CDS1: variants seen among roughly 807,000 people sequenced by gnomAD.
CDS1 encodes the protein CDP-diacylglycerol synthase 1.
In CDS1, 41 loss-of-function variants were observed where a neutral mutation model predicts 62.1. That is an observed-to-expected ratio of 0.66 (90% CI 0.51 to 0.86). The LOEUF (loss-of-function observed/expected upper bound fraction) is 0.86. Among genes scored for constraint, CDS1 ranks in the 40% least tolerant of loss-of-function variants. The pLI is 0.00. For synonymous variants in CDS1, 185 were observed against 192.6 expected, an observed-to-expected ratio of 0.96 and a Z score of 0.32; for missense variants, 470 against 550.1, an observed-to-expected ratio of 0.85 and a Z score of 1.46.
At chr4:84,617,176 G>A (rs182169297) in intron 3 of CDS1, among the ~76,000 whole-genome samples, 2 of 152,252 alleles carry the variant, frequency 1.3e-5, no homozygotes, top group Non-Finnish European at 2.9e-5. Flanking sequence ...TTTTCTTAGG[G>A]TATCTCAAGA....
At chr4:84,600,339 A>G (rs2110043214) in intron 1 of CDS1, among the ~76,000 whole-genome samples, 1 of 152,296 alleles carries the variant, frequency 6.6e-6, no homozygotes, top group African/African-American at 2.4e-5. Context: ...GTATCTTTTG[A>G]GAAAAGAAAA....
intron 8 of CDS1, among the ~76,000 whole-genome samples, chr4:84,638,721 T>C (rs1043120508): frequency 7.2e-5 from 11 of 152,020 alleles, no homozygotes; most frequent in Admixed American, 7.2e-4. Context: ...GGGCCTACTA[T>C]GTGTTTAAAT....
At chr4:84,589,807 C>CTTT (rs879447181) in intron 1 of CDS1, among the ~76,000 whole-genome samples, 1 of 151,276 alleles carries the variant, frequency 6.6e-6, no homozygotes, top group Admixed American at 6.6e-5. Context: ...TAAGGCAGGT[C>CTTT]TTTTTTGTTT....
At position 84,620,458 on chromosome 4, in the gene CDS1, G is replaced by A. The variant is rs1431892025; in HGVS notation, c.580+925G>A. Among the ~76,000 whole-genome samples, 5 of 151,916 alleles carry A rather than the reference G, an allele frequency of 3.3e-5. No homozygotes were observed. The South Asian group carries it at 8.3e-4, about 25-fold the overall frequency. On this transcript the variant is annotated intron_variant, in intron 5 of 12. Coordinates refer to ENST00000295887, the MANE Select transcript of CDS1 (RefSeq NM_001263.4). ...AGGATGGTCTCAATCTCCTGACCTC[G>A]TGATTCGCCTGCCTCAGCCTCCCAA...
intron 2 of CDS1, among the ~76,000 whole-genome samples, chr4:84,607,158 A>G (rs995638876): frequency 6.6e-6 from 1 of 152,188 alleles, no homozygotes; most frequent in Non-Finnish European, 1.5e-5. Flanking sequence ...AAAAAAATGT[A>G]TGTTGTTGGT....
At chr4:84,617,802 A>G (rs764651253) in intron 4 of CDS1, 141 bp downstream of exon 4, 10 of 455,938 alleles carry the variant, frequency 2.2e-5, no homozygotes, top group Non-Finnish European at 3.8e-5. Context: ...ATGTAATTGA[A>G]TTTTGAAAAG....
chr4:84,605,303 G>C (rs7659340), intron 2 of CDS1, among the ~76,000 whole-genome samples: 98,668 of 151,878 alleles, frequency 0.65, 32,520 homozygotes, highest in African/African-American at 0.77. Flanking sequence ...GATTTCTTTT[G>C]TATTTGATGC....
At chr4:84,625,727 A>G (rs1007684028) in intron 5 of CDS1, among the ~76,000 whole-genome samples, 7 of 151,962 alleles carry the variant, frequency 4.6e-5, no homozygotes, top group African/African-American at 1.7e-4. Context: ...TTAAGCTAAG[A>G]AATGATATAA....
intron 5 of CDS1, among the ~76,000 whole-genome samples, chr4:84,624,930 G>A (rs1184802885): frequency 1.3e-5 from 2 of 151,804 alleles, no homozygotes; most frequent in African/African-American, 2.4e-5. Flanking sequence ...GCGCGATCTC[G>A]GCTCATGGCA....
intron 8 of CDS1, among the ~76,000 whole-genome samples, chr4:84,636,697 G>T (rs562930987): frequency 4.9e-4 from 74 of 152,148 alleles, no homozygotes; most frequent in African/African-American, 1.7e-3. Flanking sequence ...GTTAATTTTA[G>T]TATTTTTAGT....
Position 84,650,802 on chromosome 4 carries a change from G to A in CDS1, c.*2116G>A, listed in dbSNP as rs908284742. ...AATTATTAATTTTAATGGAGCTCTCGATTGACCTTTTTAGCATACTTTTAT... is the reference window on the plus strand; with the variant it reads ...AATTATTAATTTTAATGGAGCTCTCAATTGACCTTTTTAGCATACTTTTAT... On this transcript the variant is annotated 3_prime_UTR_variant, in exon 13 of 13. Transcript: ENST00000295887. The A allele has an allele frequency of 6.6e-6, 1 of 152,072 alleles. No homozygotes were observed. Among genetic ancestry groups the A allele is most frequent in the Non-Finnish European group, 1.5e-5 (1 of 68,014 alleles). 9.4% of individuals were successfully genotyped at this position (152,072 alleles called of 1,614,324 possible). A position where few individuals can be genotyped will look rare whatever the true frequency, so the allele number is the denominator to read the frequency against.
intron 1 of CDS1, among the ~76,000 whole-genome samples, chr4:84,590,639 T>G (rs575426159): frequency 6.6e-6 from 1 of 152,294 alleles, no homozygotes; most frequent in East Asian, 1.9e-4. Context: ...TGAGCCAAAT[T>G]TAAAGACTTT....
intron 1 of CDS1, among the ~76,000 whole-genome samples, chr4:84,589,949 T>A (rs902021724): frequency 1.7e-4 from 26 of 152,228 alleles, no homozygotes; most frequent in Admixed American, 1.7e-3. Context: ...TAGCTGGGAC[T>A]ACAGGCACCC....
intron 1 of CDS1, among the ~76,000 whole-genome samples, chr4:84,601,246 G>A (rs1021796505): frequency 1.8e-4 from 28 of 151,812 alleles, no homozygotes; most frequent in African/African-American, 6.3e-4. Flanking sequence ...CCGACTGAAT[G>A]TTTTGGTTAA....
At chr4:84,609,143 C>A (rs1723229850) in intron 2 of CDS1, among the ~76,000 whole-genome samples, 1 of 143,292 alleles carries the variant, frequency 7.0e-6, no homozygotes, top group African/African-American at 2.7e-5. Flanking sequence ...CACGCCACTG[C>A]ACTCCAGCCT....
intron 1 of CDS1, among the ~76,000 whole-genome samples, chr4:84,602,079 T>C (rs1644858532): frequency 6.6e-6 from 1 of 152,160 alleles, no homozygotes; most frequent in African/African-American, 2.4e-5. Flanking sequence ...ATTTTCCTTT[T>C]CAAGTCTAGC....
In CDS1 at chr4:84,650,723, T is replaced by G. The variant is rs1724707300; in HGVS notation, c.*2037T>G. ...ATATTTGGGATCACAGTAATAGCTT[T>G]TCTCAAATATACTTTTAGAATTGAA... On this transcript the variant is annotated 3_prime_UTR_variant, in exon 13 of 13. Transcript: ENST00000295887. 6.6e-6 allele frequency: 1 copy of G among 152,228 alleles called. No homozygotes were observed. The highest frequency in any genetic ancestry group is 2.1e-4 in the South Asian group (1 of 4,832). 9.4% of individuals were successfully genotyped at this position (152,228 alleles called of 1,614,324 possible). A position where few individuals can be genotyped will look rare whatever the true frequency, so the allele number is the denominator to read the frequency against.
intron 3 of CDS1, among the ~76,000 whole-genome samples, chr4:84,611,330 C>T (rs1293468013): frequency 6.6e-6 from 1 of 152,156 alleles, no homozygotes; most frequent in Non-Finnish European, 1.5e-5. Context: ...ATTGTTATTA[C>T]TTTTTCTCAT....
chr4:84,615,233 C>G (rs527476898), intron 3 of CDS1, among the ~76,000 whole-genome samples: 1 of 152,012 alleles, frequency 6.6e-6, no homozygotes, highest in African/African-American at 2.4e-5. Flanking sequence ...CTAGTCAGTT[C>G]TACCCCCTAT....
Sources: gnomAD v4.1 joint callset for allele counts (sites outside exome capture counted in the v4.1 genomes callset) on GRCh38, gnomAD v4.1.1 for gene constraint, MANE v1.5 for transcripts, NCBI Gene and HGNC (gene_info 2026-07-23, HGNC 2026-07-21) for gene names.